Variants in CERS6 observed in about 807,000 individuals in gnomAD.
CERS6 encodes ceramide synthase 6.
A neutral mutation model predicts 56.8 loss-of-function variants in CERS6; 26 were observed. The ratio of observed to expected loss-of-function variants is 0.46; its 90% confidence interval spans 0.34 to 0.63. CERS6 has a LOEUF of 0.63. Among genes scored for constraint, CERS6 ranks in the 30% least tolerant of loss-of-function variants. CERS6 has a pLI of 0.01. For missense variants in CERS6, 415 were observed against 467.5 expected (o/e 0.89, Z 1.04); for synonymous variants, 164 against 173.3 (o/e 0.95, Z 0.42).
chr2:168,467,599 A>C (rs1693903079), intron 1 of CERS6, among the ~76,000 whole-genome samples: 2 of 152,352 alleles, frequency 1.3e-5, no homozygotes, highest in South Asian at 4.1e-4. Flanking sequence ...ATTCAGGTTT[A>C]AATTCAAACA....
intron 4 of CERS6, among the ~76,000 whole-genome samples, chr2:168,661,663 G>A (rs1012194265): frequency 6.6e-6 from 1 of 152,192 alleles, no homozygotes; most frequent in Non-Finnish European, 1.5e-5. Context: ...CATGCATTCA[G>A]GGTAAGCAAT....
At chr2:168,623,579 G>T (rs1684523523) in intron 3 of CERS6, among the ~76,000 whole-genome samples, 1 of 152,164 alleles carries the variant, frequency 6.6e-6, no homozygotes, top group Non-Finnish European at 1.5e-5. Flanking sequence ...GAATATGTCT[G>T]ATGGCTTTGT....
intron 3 of CERS6, among the ~76,000 whole-genome samples, chr2:168,602,550 G>A (rs1683960229): frequency 1.3e-5 from 2 of 152,206 alleles, no homozygotes; most frequent in Admixed American, 1.3e-4. Flanking sequence ...ATTATGCAGT[G>A]TTAGTATTCA....
chr2:168,698,446 A>G lies in CERS6; in HGVS notation c.609+3395A>G, dbSNP rs548509725. On this transcript the variant is annotated intron_variant, in intron 6 of 9. Coordinates refer to ENST00000305747, the MANE Select transcript of CERS6 (RefSeq NM_203463.3). ...GTGAAGGAGAAGCAAGGCATGTCTT[A>G]CATGGTGGAGCAGAAGCAAAAGAGA... Among the ~76,000 whole-genome samples, 284 of 152,238 alleles carry G rather than the reference A, an allele frequency of 1.9e-3. 1 individual carries two copies. Among genetic ancestry groups the G allele is most frequent in the Non-Finnish European group, 3.3e-3 (225 of 68,010 alleles).
chr2:168,694,925 T>C, intron 5 of CERS6, 34 bp from the exon 6 acceptor site: 2 of 1,545,590 alleles, frequency 1.3e-6, no homozygotes, highest in Non-Finnish European at 1.8e-6. Context: ...CCCTATTAAC[T>C]ACTAATCATT....
rs576713147 is a variant in CERS6 at position 168,559,378 on chromosome 2, A to G, written c.277-1814A>G. Among the ~76,000 whole-genome samples, 12 of 152,184 alleles carry G rather than the reference A, an allele frequency of 7.9e-5. No homozygotes were observed. The South Asian group carries it at 2.1e-3, about 26-fold the overall frequency. On this transcript the variant is annotated intron_variant, in intron 2 of 9. Coordinates refer to ENST00000305747, the MANE Select transcript of CERS6 (RefSeq NM_203463.3). Reference sequence around the variant, plus strand: ...TGGGTGGCTTAAACAACAAATATTTATTTCTCACAGTTCTGGATGCTGGAA... The same window carrying G: ...TGGGTGGCTTAAACAACAAATATTTGTTTCTCACAGTTCTGGATGCTGGAA...
chr2:168,669,885 C>G (rs1243386514), intron 4 of CERS6, among the ~76,000 whole-genome samples: 1 of 152,096 alleles, frequency 6.6e-6, no homozygotes, highest in Non-Finnish European at 1.5e-5. Flanking sequence ...TCTTCAAAGA[C>G]CAGAATGATT....
intron 8 of CERS6, among the ~76,000 whole-genome samples, chr2:168,722,049 A>G (rs1400826230): frequency 2.0e-5 from 3 of 152,150 alleles, no homozygotes; most frequent in Non-Finnish European, 4.4e-5. Flanking sequence ...TGAGTATTAA[A>G]TGGTATCTTA....
At chr2:168,585,247 A>G (rs1454361469) in intron 3 of CERS6, among the ~76,000 whole-genome samples, 1 of 152,236 alleles carries the variant, frequency 6.6e-6, no homozygotes, top group Non-Finnish European at 1.5e-5. Context: ...TGAGTTTAAG[A>G]CCAGATTCTT....
chr2:168,500,362 T>C (rs888276298), intron 1 of CERS6, among the ~76,000 whole-genome samples: 4 of 152,174 alleles, frequency 2.6e-5, no homozygotes, highest in African/African-American at 9.6e-5. Flanking sequence ...GTGCAAGCAA[T>C]TGTACCCATA....
At chr2:168,720,222 G>C (rs1687328041) in intron 8 of CERS6, among the ~76,000 whole-genome samples, 1 of 151,910 alleles carries the variant, frequency 6.6e-6, no homozygotes, top group South Asian at 2.1e-4. Context: ...GAGCCACCGT[G>C]CCTGGCCCAA....
At chr2:168,609,037 A>G (rs1684122477) in intron 3 of CERS6, among the ~76,000 whole-genome samples, 1 of 152,250 alleles carries the variant, frequency 6.6e-6, no homozygotes, top group South Asian at 2.1e-4. Flanking sequence ...AGCTCTAGGC[A>G]GTGCCAGGTT....
At chr2:168,524,023 C>G (rs1261795170) in intron 1 of CERS6, among the ~76,000 whole-genome samples, 1 of 152,208 alleles carries the variant, frequency 6.6e-6, no homozygotes, top group Non-Finnish European at 1.5e-5. Flanking sequence ...GACTTATCTT[C>G]TCCAGTAGAC....
chr2:168,702,781 AC>A (rs1686837015), intron 6 of CERS6, among the ~76,000 whole-genome samples: 1 of 152,224 alleles, frequency 6.6e-6, no homozygotes, highest in South Asian at 2.1e-4. Context: ...ATCTGACTTG[AC>A]AAATTTTAGT....
chr2:168,749,542 G>A, intron 8 of CERS6, among the ~76,000 whole-genome samples: 1 of 152,202 alleles, frequency 6.6e-6, no homozygotes, highest in East Asian at 1.9e-4. Context: ...GGGAAGTAGA[G>A]TGATTCCAGC....
At chr2:168,475,470 C>T (rs1033543411) in intron 1 of CERS6, among the ~76,000 whole-genome samples, 2 of 151,926 alleles carry the variant, frequency 1.3e-5, no homozygotes, top group Admixed American at 6.6e-5. Flanking sequence ...TATTTTTTCT[C>T]ATAAAAATGT....
chr2:168,556,175 G>A (rs1177031382), intron 2 of CERS6, among the ~76,000 whole-genome samples: 1 of 151,830 alleles, frequency 6.6e-6, no homozygotes, highest in Non-Finnish European at 1.5e-5. Flanking sequence ...GTAACAATAA[G>A]ACATTAACAT....
At chr2:168,749,969 G>A (rs999287537) in intron 8 of CERS6, among the ~76,000 whole-genome samples, 19 of 152,328 alleles carry the variant, frequency 1.2e-4, no homozygotes, top group African/African-American at 4.6e-4. Context: ...ACATTAAGGG[G>A]CAGTTTATGC....
chr2:168,659,480 A>G (rs1415624552), intron 4 of CERS6, among the ~76,000 whole-genome samples: 3 of 152,188 alleles, frequency 2.0e-5, no homozygotes, highest in Non-Finnish European at 2.9e-5. Flanking sequence ...CACATTGTTC[A>G]TCAGATTACT....
Sources: gnomAD v4.1 joint callset for allele counts (sites outside exome capture counted in the v4.1 genomes callset) on GRCh38, gnomAD v4.1.1 for gene constraint, MANE v1.5 for transcripts, NCBI Gene and HGNC (gene_info 2026-07-23, HGNC 2026-07-21) for gene names.